RBFOX1: variants seen among roughly 807,000 people sequenced by gnomAD.
RBFOX1 encodes RNA binding protein fox-1 homolog 1.
A neutral mutation model predicts 57.7 loss-of-function variants in RBFOX1; 8 were observed. That is an observed-to-expected ratio of 0.14 (90% CI 0.08 to 0.25). The LOEUF is 0.25. RBFOX1 is among the 10% of genes least tolerant of loss of function. The pLI is 1.00. For missense variants in RBFOX1, 611 were observed against 548.5 expected (o/e 1.11, Z -1.14); for synonymous variants, 326 against 222.4 (o/e 1.47, Z -4.15).
intron 14 of RBFOX1, among the ~76,000 whole-genome samples, chr16:7,684,805 G>C (rs1039331984): frequency 2.6e-5 from 4 of 152,052 alleles, no homozygotes; most frequent in Admixed American, 2.6e-4. Flanking sequence ...TATGAGCCCA[G>C]GTAGTGGGAG....
At chr16:6,582,578 G>A (rs1380526473) in intron 2 of RBFOX1, among the ~76,000 whole-genome samples, 1 of 151,244 alleles carries the variant, frequency 6.6e-6, no homozygotes. Context: ...CTCAATGAAA[G>A]GTTAAATTCA....
At chr16:7,202,503 A>G (rs1016375833) in intron 4 of RBFOX1, among the ~76,000 whole-genome samples, 2 of 152,200 alleles carry the variant, frequency 1.3e-5, no homozygotes, top group African/African-American at 4.8e-5. Context: ...GTGAATGTAG[A>G]GCAGGGGTCC....
chr16:6,898,753 TATA>T (rs527273360), intron 3 of RBFOX1, among the ~76,000 whole-genome samples: 5 of 152,092 alleles, frequency 3.3e-5, no homozygotes, highest in African/African-American at 1.2e-4. Context: ...TGTCCATATA[TATA>T]ATACGTGTAT....
chr16:5,938,948 A>C (rs552421053), intron 4 of RBFOX1, among the ~76,000 whole-genome samples: 1 of 152,336 alleles, frequency 6.6e-6, no homozygotes, highest in East Asian at 1.9e-4. Context: ...TTGTAGGGAC[A>C]TGGATGAAGC....
chr16:6,423,260 T>C (rs1464595056), intron 2 of RBFOX1, among the ~76,000 whole-genome samples: 1 of 152,206 alleles, frequency 6.6e-6, no homozygotes, highest in East Asian at 1.9e-4. Context: ...GCAGAGAAAC[T>C]TTTTGAGAGT....
intron 3 of RBFOX1, among the ~76,000 whole-genome samples, chr16:6,662,652 T>G (rs2098708698): frequency 6.8e-6 from 1 of 147,270 alleles, no homozygotes; most frequent in South Asian, 2.2e-4. Context: ...GGTGGTTGGT[T>G]AAAAAAAAAA....
intron 3 of RBFOX1, among the ~76,000 whole-genome samples, chr16:6,713,476 C>G (rs2064130882): frequency 6.6e-6 from 1 of 151,990 alleles, no homozygotes; most frequent in Admixed American, 6.6e-5. Flanking sequence ...GGGGTCTGTC[C>G]TGTGCATTGT....
At chr16:7,549,746 C>T (rs563082154) in intron 5 of RBFOX1, among the ~76,000 whole-genome samples, 3 of 152,174 alleles carry the variant, frequency 2.0e-5, no homozygotes, top group East Asian at 3.9e-4. Context: ...ATTCTGGCCA[C>T]GCTGACCACT....
intron 1 of RBFOX1, among the ~76,000 whole-genome samples, chr16:5,252,881 G>T (rs2062488458): frequency 6.6e-6 from 1 of 152,162 alleles, no homozygotes; most frequent in African/African-American, 2.4e-5. Context: ...TCTGAGTGCT[G>T]CTTTAGAAGC....
At chr16:6,535,024 A>G (rs921349147) in intron 2 of RBFOX1, among the ~76,000 whole-genome samples, 12 of 152,204 alleles carry the variant, frequency 7.9e-5, no homozygotes, top group Non-Finnish European at 1.6e-4. Flanking sequence ...CATTCATGAC[A>G]CAGGTCTGCT....
intron 4 of RBFOX1, among the ~76,000 whole-genome samples, chr16:7,504,271 T>A (rs1207548255): frequency 6.6e-6 from 1 of 152,008 alleles, no homozygotes; most frequent in Non-Finnish European, 1.5e-5. Flanking sequence ...TATAGAACAT[T>A]TAGGGCAGTG....
intron 4 of RBFOX1, among the ~76,000 whole-genome samples, chr16:7,279,607 C>T (rs1017932046): frequency 1.3e-5 from 2 of 152,144 alleles, no homozygotes; most frequent in African/African-American, 4.8e-5. Flanking sequence ...ATAAAATGTT[C>T]TGGGAATAGA....
chr16:6,304,708 C>A (rs552681987), intron 1 of RBFOX1, among the ~76,000 whole-genome samples: 2 of 151,802 alleles, frequency 1.3e-5, no homozygotes, highest in African/African-American at 4.8e-5. Flanking sequence ...CATGGTGAAA[C>A]CCTGTCTCTC....
At chr16:5,999,036 ATC>A (rs2060540241) in intron 4 of RBFOX1, among the ~76,000 whole-genome samples, 1 of 152,190 alleles carries the variant, frequency 6.6e-6, no homozygotes, top group African/African-American at 2.4e-5. Flanking sequence ...CACTCCATTA[ATC>A]ACAGACTGCC....
chr16:6,590,724 G>A (rs900792019), intron 2 of RBFOX1, among the ~76,000 whole-genome samples: 5 of 152,144 alleles, frequency 3.3e-5, no homozygotes, highest in African/African-American at 4.8e-5. Flanking sequence ...TCGTATTGAC[G>A]GTCGTACATT....
At chr16:7,129,712 C>T (rs1280504129) in intron 4 of RBFOX1, among the ~76,000 whole-genome samples, 1 of 151,862 alleles carries the variant, frequency 6.6e-6, no homozygotes, top group African/African-American at 2.4e-5. Context: ...CCTGGGAGCC[C>T]CCAAATCGGG....
At chr16:5,492,393 T>C (rs976359281) in intron 2 of RBFOX1, among the ~76,000 whole-genome samples, 3 of 152,214 alleles carry the variant, frequency 2.0e-5, no homozygotes, top group African/African-American at 7.2e-5. Context: ...TCAGGGAGTT[T>C]GCAGTTTAAT....
chr16:6,065,323 C>T (rs1364003472), intron 1 of RBFOX1, among the ~76,000 whole-genome samples: 1 of 151,968 alleles, frequency 6.6e-6, no homozygotes, highest in African/African-American at 2.4e-5. Flanking sequence ...GTGTGAACCA[C>T]CGCACGCGGC....
chr16:6,463,827 T>C (rs2094976952), intron 2 of RBFOX1, among the ~76,000 whole-genome samples: 1 of 152,054 alleles, frequency 6.6e-6, no homozygotes, highest in South Asian at 2.1e-4. Context: ...CAATCCCCAC[T>C]GTTAGAAGGA....
Sources: gnomAD v4.1 joint callset for allele counts (sites outside exome capture counted in the v4.1 genomes callset) on GRCh38, gnomAD v4.1.1 for gene constraint, MANE v1.5 for transcripts, NCBI Gene and HGNC (gene_info 2026-07-23, HGNC 2026-07-21) for gene names.